The following VWF variants were observed in gnomAD, a reference collection of about 807,000 sequenced individuals.
The protein encoded by VWF is Factor VIII related antigen.
A neutral mutation model predicts 308.6 loss-of-function variants in VWF; 176 were observed. The ratio of observed to expected loss-of-function variants is 0.57; its 90% CI spans 0.50 to 0.65. The LOEUF (loss-of-function observed/expected upper bound fraction) is 0.65, where lower values mean the gene tolerates loss of function less well. VWF is among the 30% of genes least tolerant of loss of function. The pLI, the probability that VWF is intolerant of heterozygous loss-of-function variation, is 0.00. For synonymous variants in VWF, 1,385 were observed against 1,443.4 expected (o/e 0.96, Z 0.92); for missense variants, 3,146 against 3,648.2 (o/e 0.86, Z 3.55).
chr12:5,985,808 C>G (rs1190034875), intron 38 of VWF, 143 bp from the exon 39 acceptor site: 3 of 793,276 alleles, frequency 3.8e-6, no homozygotes, highest in Non-Finnish European at 6.4e-6. Context: ...CAAACAAAAG[C>G]AGGCTGAAAG....
intron 8 of VWF, among the ~76,000 whole-genome samples, chr12:6,072,741 C>T (rs1591900500): frequency 6.6e-6 from 1 of 152,282 alleles, no homozygotes; most frequent in East Asian, 1.9e-4. Context: ...TTCCCTTACA[C>T]ATTAATGCAA....
At chr12:5,996,750 C>CAAAAAAA (rs61616182) in intron 34 of VWF, among the ~76,000 whole-genome samples, 1 of 60,492 alleles carries the variant, frequency 1.7e-5, no homozygotes, top group Non-Finnish European at 3.8e-5. Flanking sequence ...TTTCCAGAGC[C>CAAAAAAA]AAAAAAAAAA....
Position 6,122,876 on chromosome 12 carries a change from A to C in VWF, c.55+266T>G, listed in dbSNP as rs375569222. 7.1e-5 allele frequency: 52 copies of C among 735,578 alleles called. No homozygotes were observed. The East Asian group carries it at 1.1e-3, about 15-fold the overall frequency. The allele number at this position is 735,578 out of a possible 1,614,324, so 45.6% of individuals were successfully genotyped here. Reference sequence around the variant, plus strand: ...CCAAGTCTTGGATTCCTTCCTCCTCATCCTGTGCCCCCATAATATAGGACA... The same window carrying C: ...CCAAGTCTTGGATTCCTTCCTCCTCCTCCTGTGCCCCCATAATATAGGACA... On this transcript the variant is annotated intron_variant, in intron 2 of 51. Transcript: ENST00000261405.
intron 34 of VWF, among the ~76,000 whole-genome samples, chr12:6,006,502 G>T (rs2136398357): frequency 6.6e-6 from 1 of 152,332 alleles, no homozygotes; most frequent in Admixed American, 6.5e-5. Context: ...AAACAGCCAG[G>T]TGCGGTGGCT....
chr12:6,014,481 T>G (rs1220589983), intron 31 of VWF, among the ~76,000 whole-genome samples: 2 of 152,032 alleles, frequency 1.3e-5, no homozygotes, highest in African/African-American at 4.8e-5. Context: ...GTGGACATGG[T>G]GTGGGGAGGT....
intron 3 of VWF, among the ~76,000 whole-genome samples, chr12:6,118,678 C>T (rs1301164201): frequency 6.6e-6 from 1 of 152,062 alleles, no homozygotes; most frequent in East Asian, 1.9e-4. Flanking sequence ...TGAGCCATTG[C>T]ACCCGTGCAC....
chr12:5,973,396 T>C (rs1943498321), intron 43 of VWF, among the ~76,000 whole-genome samples: 1 of 152,216 alleles, frequency 6.6e-6, no homozygotes, highest in Admixed American at 6.5e-5. Flanking sequence ...AAAAATAAAT[T>C]ATGAATGTAT....
intron 34 of VWF, among the ~76,000 whole-genome samples, chr12:6,000,828 A>AG (rs972379656): frequency 6.6e-6 from 1 of 151,356 alleles, no homozygotes; most frequent in African/African-American, 2.4e-5. Context: ...AAAAAAAAAA[A>AG]AAAAAAGAAA....
intron 43 of VWF, among the ~76,000 whole-genome samples, chr12:5,972,749 C>A (rs953924473): frequency 6.6e-6 from 1 of 152,108 alleles, no homozygotes; most frequent in African/African-American, 2.4e-5. Context: ...ATTTACTGTG[C>A]ACCTATGATG....
chr12:5,990,367 C>A (rs566064199), intron 38 of VWF, among the ~76,000 whole-genome samples: 4 of 152,130 alleles, frequency 2.6e-5, no homozygotes, highest in East Asian at 3.9e-4. Flanking sequence ...GCGATTATGA[C>A]CCTATAGAGC....
chr12:6,103,545 T>TACACACACACACAC (rs139889348), intron 5 of VWF, among the ~76,000 whole-genome samples: 1 of 124,164 alleles, frequency 8.1e-6, no homozygotes, highest in Non-Finnish European at 1.7e-5. Context: ...CATATATGTA[T>TACACACACACACAC]ACACACACAC....
chr12:6,122,804 G>A (rs764024104), intron 2 of VWF: 11 of 592,254 alleles, frequency 1.9e-5, no homozygotes, highest in Non-Finnish European at 3.6e-5. Context: ...ACCATGGGAG[G>A]TTCAACAAGG....
At chr12:6,054,194 C>A (rs1340095343) in intron 15 of VWF, among the ~76,000 whole-genome samples, 1 of 152,190 alleles carries the variant, frequency 6.6e-6, no homozygotes, top group African/African-American at 2.4e-5. Flanking sequence ...CTGGAGAGAC[C>A]CTGCAGCCTC....
At chr12:5,998,498 AATATATATATATATATAT>A (rs1428821953) in intron 34 of VWF, among the ~76,000 whole-genome samples, 48 of 30,942 alleles carry the variant, frequency 1.6e-3, no homozygotes, top group East Asian at 6.7e-3. Context: ...AAAAAAAAAA[AATATATATATATATATAT>A]ATATATATAT....
At chr12:6,099,239 G>T (rs1945135937) in intron 5 of VWF, among the ~76,000 whole-genome samples, 1 of 147,666 alleles carries the variant, frequency 6.8e-6, no homozygotes, top group Non-Finnish European at 1.5e-5. Context: ...AGAACCACTT[G>T]AACTGGGCAG....
At chr12:6,086,615 G>A (rs1035173942) in intron 6 of VWF, among the ~76,000 whole-genome samples, 2 of 152,136 alleles carry the variant, frequency 1.3e-5, no homozygotes, top group African/African-American at 2.4e-5. Flanking sequence ...TAAGTGAATG[G>A]AAGAGGCAAG....
intron 3 of VWF, among the ~76,000 whole-genome samples, chr12:6,115,771 G>A (rs889584059): frequency 2.6e-5 from 4 of 152,076 alleles, no homozygotes; most frequent in Admixed American, 6.5e-5. Flanking sequence ...CAGCCTCCTG[G>A]TCTCTACCCA....
chr12:5,971,045 G>A (rs1041682076), intron 44 of VWF, among the ~76,000 whole-genome samples: 3 of 152,222 alleles, frequency 2.0e-5, no homozygotes, highest in Admixed American at 6.5e-5. Context: ...AGGGACTGGC[G>A]GGGGTGAGCC....
At position 6,058,471 on chromosome 12, in the gene VWF, G is replaced by A. The variant is rs560296230; in HGVS notation, c.1534-427C>T. On this transcript the variant is annotated intron_variant, in intron 13 of 51. Transcript: ENST00000261405. This position sits in a 1 kb window ranked among gnomAD's most constrained non-coding sequence, Gnocchi z 4.9. Reference sequence around the variant, plus strand: ...GCCTGACCCCCCCACCCAGAGTTACGTGCAAACTCAAGGCCCCTCTATATA... The same window carrying A: ...GCCTGACCCCCCCACCCAGAGTTACATGCAAACTCAAGGCCCCTCTATATA... 5.5e-4 allele frequency among the ~76,000 whole-genome samples: 83 copies of A among 152,248 alleles called. No homozygotes were observed. Among genetic ancestry groups the A allele is most frequent in the Non-Finnish European group, 9.0e-4 (61 of 68,018 alleles).
Sources: gnomAD v4.1 joint callset for allele counts (sites outside exome capture counted in the v4.1 genomes callset) on GRCh38, gnomAD v4.1.1 for gene constraint, Gnocchi (gnomAD v3.1) non-coding constraint, MANE v1.5 for transcripts, NCBI Gene and HGNC (gene_info 2026-07-23, HGNC 2026-07-21) for gene names.